The following ANKFN1 variants were observed in gnomAD, a reference collection of about 807,000 sequenced individuals.
ANKFN1 encodes ankyrin repeat and fibronectin type-III domain-containing protein 1.
In ANKFN1, 74 loss-of-function variants were observed where a neutral mutation model predicts 108.7. The observed-to-expected ratio is 0.68, with a 90% confidence interval of 0.56 to 0.83. ANKFN1 has a LOEUF of 0.83. ANKFN1 is among the 40% of genes least tolerant of loss of function. The probability of loss-of-function intolerance (pLI) is 0.00; values close to 1 mark genes in which losing one functional copy is unlikely to be tolerated. For synonymous variants in ANKFN1, 547 were observed against 516.2 expected, an observed-to-expected ratio of 1.06 and a Z score of -0.81; for missense variants, 1,505 against 1,382.3, an observed-to-expected ratio of 1.09 and a Z score of -1.41.
At position 56,511,108 on chromosome 17, in the gene ANKFN1, C is replaced by A; in HGVS notation, c.3280C>A (p.Pro1094Thr). The A allele has an allele frequency of 6.5e-7, 1 of 1,536,016 alleles. No individual in the cohort carries two copies. Among genetic ancestry groups the A allele is most frequent in the Non-Finnish European group, 8.7e-7 (1 of 1,146,852 alleles). Residue 1094 changes from proline to threonine, a missense_variant, in exon 21 of 21, where the codon CCC (proline) becomes ACC (threonine). Pro to Thr is a conservative substitution (Grantham distance 38, BLOSUM62 -1). Transcript: ENST00000682825. ...RPSVRRLYVE[P>T]YAAAVVAQDE... ...TTCCGTCCGCCGCCTCTACGTGGAG[C>A]CCTACGCAGCGGCCGTGGTGGCCCA...
chr17:56,433,917 G>A (rs1327544901), intron 8 of ANKFN1, among the ~76,000 whole-genome samples: 1 of 152,092 alleles, frequency 6.6e-6, no homozygotes, highest in African/African-American at 2.4e-5. Flanking sequence ...CTCAGCCAGT[G>A]GTCAGCAAAT....
intron 15 of ANKFN1, among the ~76,000 whole-genome samples, chr17:56,474,529 G>T (rs114887363): frequency 0.021 from 3,191 of 152,080 alleles, 105 homozygotes; most frequent in African/African-American, 0.073. Flanking sequence ...AATTACTAGG[G>T]TCGTTCCGTG....
intron 4 of ANKFN1, among the ~76,000 whole-genome samples, chr17:56,118,012 C>G (rs754882007): frequency 1.7e-4 from 26 of 152,046 alleles, no homozygotes; most frequent in Admixed American, 7.2e-4. Flanking sequence ...TAGATTCTTT[C>G]ATTTGGTATG....
At chr17:56,273,803 A>C (rs2043849604) in intron 3 of ANKFN1, among the ~76,000 whole-genome samples, 1 of 152,244 alleles carries the variant, frequency 6.6e-6, no homozygotes, top group South Asian at 2.1e-4. Flanking sequence ...TCATCTTCAG[A>C]ACTATATAGT....
intron 2 of ANKFN1, among the ~76,000 whole-genome samples, chr17:56,226,820 C>T (rs148285730): frequency 3.3e-5 from 5 of 152,220 alleles, no homozygotes; most frequent in Non-Finnish European, 7.4e-5. Flanking sequence ...TTCTGGTTCA[C>T]GCTGACATTA....
intron 3 of ANKFN1, among the ~76,000 whole-genome samples, chr17:56,273,325 C>T (rs900726175): frequency 6.6e-6 from 1 of 152,108 alleles, no homozygotes; most frequent in South Asian, 2.1e-4. Context: ...TGGCTCATAT[C>T]ATAATTTTTT....
rs566002684 is a variant in ANKFN1, at chr17:56,278,694, C to T, written c.54-47527C>T. ...TAGAGAATGGATCTTTTATTGGTAACAATAATTCTGAGAGTAGATGACCAA... is the reference window on the plus strand; with the variant it reads ...TAGAGAATGGATCTTTTATTGGTAATAATAATTCTGAGAGTAGATGACCAA... On this transcript the variant is annotated intron_variant, in intron 3 of 20. Coordinates refer to ENST00000682825, the MANE Select transcript of ANKFN1 (RefSeq NM_001370326.1). 2.0e-5 allele frequency among the ~76,000 whole-genome samples: 3 copies of T among 152,258 alleles called. No homozygotes were observed. In the South Asian group the frequency reaches 6.2e-4, roughly 32 times the overall value.
intron 1 of ANKFN1, among the ~76,000 whole-genome samples, chr17:56,161,009 T>A (rs1386946022): frequency 1.3e-5 from 2 of 152,232 alleles, no homozygotes; most frequent in Non-Finnish European, 2.9e-5. Flanking sequence ...TGGCCTCTAA[T>A]ACTTGAGATG....
At chr17:56,093,750 G>A (rs1316453414) in intron 4 of ANKFN1, among the ~76,000 whole-genome samples, 1 of 151,266 alleles carries the variant, frequency 6.6e-6, no homozygotes, top group East Asian at 1.9e-4. Context: ...ACTAGGTAAT[G>A]TGCATAAAAC....
At chr17:56,282,279 CGTGTGTGTGTGTTT>C (rs2044103514) in intron 3 of ANKFN1, among the ~76,000 whole-genome samples, 1 of 149,586 alleles carries the variant, frequency 6.7e-6, no homozygotes, top group African/African-American at 2.5e-5. Context: ...CAACAGGTGC[CGTGTGTGTGTGTTT>C]GTGTGTGTGT....
intron 3 of ANKFN1, among the ~76,000 whole-genome samples, chr17:56,261,425 G>A (rs1240003322): frequency 2.0e-5 from 3 of 152,164 alleles, no homozygotes; most frequent in African/African-American, 7.2e-5. Flanking sequence ...TAGAGGGACA[G>A]GACTAATAGG....
intron 17 of ANKFN1, among the ~76,000 whole-genome samples, chr17:56,481,544 C>T (rs1024350335): frequency 1.3e-5 from 2 of 151,814 alleles, no homozygotes; most frequent in Non-Finnish European, 2.9e-5. Context: ...CCAAGTTTAG[C>T]CTGTAAACTG....
At chr17:56,148,267 T>C (rs1908384218) in intron 4 of ANKFN1, among the ~76,000 whole-genome samples, 1 of 152,208 alleles carries the variant, frequency 6.6e-6, no homozygotes, top group East Asian at 1.9e-4. Context: ...GTAACATTTA[T>C]TGCATAGTTA....
At chr17:56,269,924 C>A (rs1317716304) in intron 3 of ANKFN1, among the ~76,000 whole-genome samples, 1 of 152,150 alleles carries the variant, frequency 6.6e-6, no homozygotes, top group Non-Finnish European at 1.5e-5. Context: ...AACCCCAGTG[C>A]CTGCAAAGAG....
At chr17:56,068,365 G>A (rs1905084669) in intron 4 of ANKFN1, among the ~76,000 whole-genome samples, 1 of 152,202 alleles carries the variant, frequency 6.6e-6, no homozygotes, top group East Asian at 1.9e-4. Flanking sequence ...GCTGCTGGAA[G>A]CTGGAAGAAG....
chr17:56,278,437 G>T (rs1213107447), intron 3 of ANKFN1, among the ~76,000 whole-genome samples: 1 of 152,186 alleles, frequency 6.6e-6, no homozygotes, highest in Non-Finnish European at 1.5e-5. Context: ...ATAACAGAAA[G>T]AAATATCTCT....
intron 4 of ANKFN1, among the ~76,000 whole-genome samples, chr17:56,093,091 G>A (rs1248791785): frequency 6.6e-6 from 1 of 151,238 alleles, no homozygotes; most frequent in Non-Finnish European, 1.5e-5. Flanking sequence ...GCAGCATAAT[G>A]TGATCTCAGG....
At chr17:56,204,868 G>T (rs1379371226) in intron 1 of ANKFN1, among the ~76,000 whole-genome samples, 1 of 152,034 alleles carries the variant, frequency 6.6e-6, no homozygotes, top group Admixed American at 6.5e-5. Context: ...GAGGTCAGGA[G>T]ATCGAGACCA....
intron 4 of ANKFN1, among the ~76,000 whole-genome samples, chr17:56,123,185 A>AT (rs1413185998): frequency 6.6e-6 from 1 of 152,254 alleles, no homozygotes; most frequent in East Asian, 1.9e-4. Flanking sequence ...GGTCAGAGAC[A>AT]TTTTAGCTAG....
Sources: allele counts gnomAD v4.1 joint callset (sites outside exome capture counted in the v4.1 genomes callset), GRCh38; gene constraint gnomAD v4.1.1; transcripts MANE v1.5; gene names NCBI Gene and HGNC (gene_info 2026-07-23, HGNC 2026-07-21).